TENM2: variants seen among roughly 807,000 people sequenced by gnomAD.
TENM2 encodes the protein teneurin transmembrane protein 2, also known as teneurin-2.
In TENM2, 52 loss-of-function variants were observed where a neutral mutation model predicts 245.2. That is an observed-to-expected ratio of 0.21 (90% CI 0.17 to 0.27). TENM2 has a LOEUF of 0.27. Among genes scored for constraint, TENM2 ranks in the 10% least tolerant of loss-of-function variants. TENM2 has a pLI of 1.00. For missense variants in TENM2, 3,046 were observed against 3,666.8 expected, an observed-to-expected ratio of 0.83 and a Z score of 4.37; for synonymous variants, 1,363 against 1,438.9, an observed-to-expected ratio of 0.95 and a Z score of 1.19.
At chr5:167,318,549 ATAGAGT>A (rs1176388447) in intron 1 of TENM2, among the ~76,000 whole-genome samples, 13 of 152,286 alleles carry the variant, frequency 8.5e-5, no homozygotes, top group East Asian at 1.9e-4. Flanking sequence ...ATATCATATA[ATAGAGT>A]TAGAGTAAAT....
At chr5:168,094,064 T>C (rs1793165051) in intron 8 of TENM2, among the ~76,000 whole-genome samples, 1 of 141,996 alleles carries the variant, frequency 7.0e-6, no homozygotes, top group Non-Finnish European at 1.6e-5. Context: ...AGCAACTATT[T>C]ACCAAGGACC....
At chr5:167,766,686 G>T (rs973884721) in intron 2 of TENM2, among the ~76,000 whole-genome samples, 7 of 152,096 alleles carry the variant, frequency 4.6e-5, no homozygotes, top group African/African-American at 1.7e-4. Context: ...AGACCAGCCT[G>T]GCCAACATGG....
At chr5:168,194,782 C>G (rs1313130178) in intron 14 of TENM2, among the ~76,000 whole-genome samples, 2 of 152,058 alleles carry the variant, frequency 1.3e-5, no homozygotes, top group African/African-American at 4.8e-5. Flanking sequence ...CATGGCCATC[C>G]TCCAAAGCCA....
chr5:167,638,581 C>T lies in TENM2; in HGVS notation c.503-237405C>T, dbSNP rs1779364010. 2.0e-5 allele frequency among the ~76,000 whole-genome samples: 3 copies of T among 152,178 alleles called. No individual in the cohort carries two copies. The South Asian group carries it at 6.2e-4, about 32-fold the overall frequency. On this transcript the variant is annotated intron_variant, in intron 2 of 28. Coordinates refer to ENST00000518659, the Ensembl canonical transcript of TENM2. The stretch of plus-strand genomic sequence containing the variant: ...AGAAGACAGAGTGTGAAGGATGAAG[C>T]ATTCCTGTATTCCCCTGATGTCAGT...
intron 3 of TENM2, among the ~76,000 whole-genome samples, chr5:167,945,145 A>T (rs1779507908): frequency 1.3e-5 from 2 of 152,168 alleles, no homozygotes; most frequent in African/African-American, 4.8e-5. Flanking sequence ...ATTCATCACC[A>T]CTAGTTTTAT....
the TENM2 span, among the ~76,000 whole-genome samples, chr5:167,176,381 A>G: frequency 6.6e-6 from 1 of 152,324 alleles, no homozygotes; most frequent in East Asian, 1.9e-4. Context: ...CCTGTCCCCA[A>G]AACTCACTGA....
At chr5:168,110,600 C>T (rs2569040) in intron 9 of TENM2, among the ~76,000 whole-genome samples, 39,902 of 152,028 alleles carry the variant, frequency 0.26, 5,710 homozygotes, top group Admixed American at 0.44. Flanking sequence ...TGAAACAGAC[C>T]CCCCATGCCT....
chr5:167,188,537 T>C, the TENM2 span, among the ~76,000 whole-genome samples: 1 of 147,224 alleles, frequency 6.8e-6, no homozygotes, highest in East Asian at 2.1e-4. Flanking sequence ...AAAGAGACCA[T>C]TTTTTTCCCT....
chr5:167,487,558 T>C (rs2127538228), intron 2 of TENM2, among the ~76,000 whole-genome samples: 1 of 152,322 alleles, frequency 6.6e-6, no homozygotes, highest in South Asian at 2.1e-4. Flanking sequence ...ACTTTCTGTG[T>C]ATGAATGTGG....
At chr5:168,221,304 C>T (rs1763651809) in intron 23 of TENM2, among the ~76,000 whole-genome samples, 1 of 152,028 alleles carries the variant, frequency 6.6e-6, no homozygotes, top group African/African-American at 2.4e-5. Context: ...CGTGTTGTCA[C>T]AGTGACTGTC....
chr5:168,174,608 C>T (rs1452376060), intron 13 of TENM2, among the ~76,000 whole-genome samples: 1 of 152,176 alleles, frequency 6.6e-6, no homozygotes, highest in African/African-American at 2.4e-5. Flanking sequence ...GATGCTGTTG[C>T]GTTGAGAACC....
chr5:168,050,197 T>G (rs566870529), intron 6 of TENM2, among the ~76,000 whole-genome samples: 1 of 152,210 alleles, frequency 6.6e-6, no homozygotes. Flanking sequence ...TGCTTAGAGA[T>G]GAAATAAAAT....
Position 167,781,526 on chromosome 5 carries a change from C to T in TENM2, c.503-94460C>T, listed in dbSNP as rs539289726. ...CATTCTTCTCCTTTCTTACTTACTG[C>T]CTCCTTAGAGTCTAGCCCTATAGCT... On this transcript the variant is annotated intron_variant, in intron 2 of 28. Coordinates refer to ENST00000518659, the Ensembl canonical transcript of TENM2. Among the ~76,000 whole-genome samples, 11 of 152,284 alleles carry T rather than the reference C, an allele frequency of 7.2e-5. No individual in the cohort carries two copies. In the South Asian group the frequency reaches 2.1e-3, roughly 29 times the overall value.
chr5:167,027,893 A>G, the TENM2 span, among the ~76,000 whole-genome samples: 1 of 152,180 alleles, frequency 6.6e-6, no homozygotes, highest in East Asian at 1.9e-4. Flanking sequence ...AGCCTGGCCA[A>G]CATGGTGAAA....
intron 5 of TENM2, among the ~76,000 whole-genome samples, chr5:168,002,277 A>G (rs1418619509): frequency 6.6e-6 from 1 of 152,112 alleles, no homozygotes; most frequent in Non-Finnish European, 1.5e-5. Context: ...TCGTGCAAAC[A>G]TGTTCGGCAC....
At position 167,350,912 on chromosome 5, in the gene TENM2, T is replaced by TATA. The variant is rs1561883995; in HGVS notation, c.227-24286_227-24285insATA. On this transcript the variant is annotated intron_variant, in intron 1 of 28. Coordinates refer to ENST00000518659, the Ensembl canonical transcript of TENM2. ...GGATGTATACATATGGATATATATA[T>TATA]GGGATATATACATATGGATATATAT... is the stretch of plus-strand genomic sequence containing the variant. Among the ~76,000 whole-genome samples, 38 of 85,806 alleles carry TATA rather than the reference T, an allele frequency of 4.4e-4. 2 individuals are homozygous for TATA. The highest frequency in any genetic ancestry group is 1.9e-3 in the East Asian group (5 of 2,646). 56.3% of individuals were successfully genotyped at this position (85,806 alleles called of 152,430 possible). A position where few individuals can be genotyped will look rare whatever the true frequency, so the allele number is the denominator to read the frequency against.
chr5:168,233,063 C>T (rs1311068276), intron 25 of TENM2, among the ~76,000 whole-genome samples: 2 of 152,226 alleles, frequency 1.3e-5, no homozygotes, highest in Admixed American at 1.3e-4. Flanking sequence ...CGTGGTGTCT[C>T]ACGCCTGTAA....
chr5:168,035,323 C>G (rs567698113), intron 5 of TENM2, among the ~76,000 whole-genome samples: 89 of 152,128 alleles, frequency 5.9e-4, no homozygotes, highest in African/African-American at 2.0e-3. Context: ...ATGGCGAAAC[C>G]CTGTCTCTAC....
Position 168,136,223 on chromosome 5 carries a change from G to T in TENM2, c.2422+9257G>T, listed in dbSNP as rs540583017. Reference sequence around the variant, plus strand: ...ACAGATAGGACTGAAATCACCCTAAGCCCTACGAGTGTGTCCCACAAATAA... The same window carrying T: ...ACAGATAGGACTGAAATCACCCTAATCCCTACGAGTGTGTCCCACAAATAA... On this transcript the variant is annotated intron_variant, in intron 12 of 28. Coordinates refer to ENST00000518659, the Ensembl canonical transcript of TENM2. Among the ~76,000 whole-genome samples the T allele has an allele frequency of 7.9e-5, 12 of 152,228 alleles. No homozygotes were observed. In the South Asian group the frequency reaches 2.1e-3, roughly 26 times the overall value.
Sources: gnomAD v4.1 joint callset for allele counts (sites outside exome capture counted in the v4.1 genomes callset) on GRCh38, gnomAD v4.1.1 for gene constraint, MANE v1.5 for transcripts, NCBI Gene and HGNC (gene_info 2026-07-23, HGNC 2026-07-21) for gene names.